The following XRCC1 variants were observed in gnomAD, a reference collection of about 807,000 sequenced individuals.
The protein encoded by XRCC1 is DNA repair protein XRCC1.
XRCC1 carries 52 observed loss-of-function variants against 83.3 expected under a neutral mutation model. That is an observed-to-expected ratio of 0.62 (90% CI 0.50 to 0.79). The LOEUF is 0.79. Among genes scored for constraint, XRCC1 ranks in the 30% least tolerant of loss-of-function variants. The pLI is 0.00. For missense variants in XRCC1, 793 were observed against 823.5 expected, an observed-to-expected ratio of 0.96 and a Z score of 0.45; for synonymous variants, 281 against 312.6, an observed-to-expected ratio of 0.90 and a Z score of 1.07.
At chr19:43,558,714 T>A in intron 3 of XRCC1, among the ~76,000 whole-genome samples, 1 of 151,648 alleles carries the variant, frequency 6.6e-6, no homozygotes, top group South Asian at 2.1e-4. Flanking sequence ...GGTATTGGCA[T>A]AAAGAAAACT....
chr19:43,545,755 A>T lies in XRCC1; in HGVS notation c.1621+63T>A, dbSNP rs1972501594. The T allele has an allele frequency of 4.4e-6, 7 of 1,590,588 alleles. No individual in the cohort carries two copies. The South Asian group carries it at 8.1e-5, about 18-fold the overall frequency. On this transcript the variant is annotated intron_variant, in intron 14 of 16. Transcript: ENST00000262887. Reference sequence around the variant, plus strand: ...CAGTGACCCCAGGGCTGGCCAGGGCAAGTCCCAGCTGAGAACTGAGAAGAG... The same window carrying T: ...CAGTGACCCCAGGGCTGGCCAGGGCTAGTCCCAGCTGAGAACTGAGAAGAG...
At chr19:43,554,625 C>A in intron 4 of XRCC1, 21 bp downstream of exon 4, 1 of 1,599,548 alleles carries the variant, frequency 6.3e-7, no homozygotes, top group South Asian at 1.1e-5. Context: ...GACTCTGCAC[C>A]CTGGCTCCCA....
At chr19:43,544,367 T>C (rs1290872880) in intron 14 of XRCC1, 133 bp from the exon 15 acceptor site, 1 of 753,816 alleles carries the variant, frequency 1.3e-6, no homozygotes, top group African/African-American at 1.8e-5. Context: ...TGGCAGGCAG[T>C]GGACCCTGCC....
chr19:43,548,853 G>A (rs1286315954), intron 10 of XRCC1, among the ~76,000 whole-genome samples: 1 of 150,506 alleles, frequency 6.6e-6, no homozygotes, highest in African/African-American at 2.4e-5. Context: ...GACAAATACT[G>A]AGTCACTGAA....
At chr19:43,560,096 A>G (rs1007337542) in intron 3 of XRCC1, among the ~76,000 whole-genome samples, 2 of 151,024 alleles carry the variant, frequency 1.3e-5, no homozygotes, top group African/African-American at 4.9e-5. Context: ...AAAAATGAAC[A>G]AAAGAAAAAG....
chr19:43,569,374 G>C (rs1972785169), intron 2 of XRCC1, among the ~76,000 whole-genome samples: 1 of 151,856 alleles, frequency 6.6e-6, no homozygotes, highest in African/African-American at 2.4e-5. Flanking sequence ...TACTGAGGAG[G>C]CTGAGGTGGG....
intron 2 of XRCC1, among the ~76,000 whole-genome samples, chr19:43,562,444 T>C (rs966056292): frequency 8.0e-5 from 8 of 100,070 alleles, no homozygotes; most frequent in Non-Finnish European, 1.4e-4. Flanking sequence ...AGATGGTCAT[T>C]AACAACCCTC....
At chr19:43,553,864 T>G (rs527604970) in intron 4 of XRCC1, 181 bp from the exon 5 acceptor site, 6 of 529,972 alleles carry the variant, frequency 1.1e-5, no homozygotes, top group Non-Finnish European at 1.7e-5. Flanking sequence ...GACTGAGCCC[T>G]AACTCTGAGT....
chr19:43,552,247 T>G lies in XRCC1; in HGVS notation c.852A>C (p.Thr284=), dbSNP rs769180331. Residue 284 remains threonine (T), a synonymous_variant, in exon 9 of 17, where the codon ACA becomes ACC. Transcript: ENST00000262887. The stretch of plus-strand genomic sequence containing the variant: ...CCTGTGCTCGGGCAGGGACTGGGGC[T>G]GTGGCTGGGGTACGAGTTGGAGCTG... ...KLPAPTRTPA[T]APVPARAQGA... The G allele has an allele frequency of 6.2e-7, 1 of 1,611,192 alleles. No homozygotes were observed. The highest frequency in any genetic ancestry group is 1.7e-5 in the Admixed American group (1 of 59,704).
At chr19:43,565,511 C>T (rs941749040) in intron 2 of XRCC1, among the ~76,000 whole-genome samples, 6 of 152,252 alleles carry the variant, frequency 3.9e-5, no homozygotes, top group African/African-American at 1.2e-4. Flanking sequence ...CTTTACCTCT[C>T]CCACAATATT....
At chr19:43,556,875 G>A (rs1470992799) in intron 3 of XRCC1, among the ~76,000 whole-genome samples, 2 of 152,096 alleles carry the variant, frequency 1.3e-5, no homozygotes, top group East Asian at 1.9e-4. Context: ...CATGGTGGTA[G>A]GCACCTATAA....
chr19:43,545,466 G>A (rs1401317308), intron 14 of XRCC1, among the ~76,000 whole-genome samples: 2 of 152,184 alleles, frequency 1.3e-5, no homozygotes, highest in Non-Finnish European at 2.9e-5. Context: ...GGTGTGCCCG[G>A]CTTCACCCCA....
chr19:43,548,102 G>A (rs1228103718), intron 10 of XRCC1, among the ~76,000 whole-genome samples: 3 of 141,756 alleles, frequency 2.1e-5, no homozygotes, highest in Non-Finnish European at 4.6e-5. Flanking sequence ...CCATCCGGGA[G>A]GGAGGTGGGG....
At chr19:43,573,422 C>A (rs1972823715) in intron 2 of XRCC1, among the ~76,000 whole-genome samples, 1 of 152,174 alleles carries the variant, frequency 6.6e-6, no homozygotes. Context: ...TTAAGTAAAT[C>A]ATATGGTCAA....
intron 2 of XRCC1, among the ~76,000 whole-genome samples, chr19:43,571,293 T>A (rs1277333692): frequency 6.6e-6 from 1 of 152,184 alleles, no homozygotes; most frequent in Non-Finnish European, 1.5e-5. Context: ...CCTAGATACA[T>A]ACATAGCTCA....
At chr19:43,561,314 C>T (rs1972697060) in intron 2 of XRCC1, among the ~76,000 whole-genome samples, 1 of 152,222 alleles carries the variant, frequency 6.6e-6, no homozygotes, top group African/African-American at 2.4e-5. Flanking sequence ...TGCCATAGAG[C>T]TCTCCTTGAT....
Position 43,552,787 on chromosome 19 carries a change from G to A in XRCC1, c.823+10C>T. The A allele has an allele frequency of 1.0e-5, 16 of 1,595,036 alleles. No individual in the cohort carries two copies. The highest frequency in any genetic ancestry group is 1.4e-5 in the Non-Finnish European group (16 of 1,171,952). ...GGCCCCTGTGGAAACAAGGGATCTA[G>A]TTAGCTCACATTTAGGTCTCTTGGG... On this transcript the variant is annotated intron_variant, in intron 8 of 16. Transcript: ENST00000262887.
intron 8 of XRCC1, 41 bp downstream of exon 8, chr19:43,552,756 A>C: frequency 6.6e-7 from 1 of 1,517,718 alleles, no homozygotes; most frequent in Non-Finnish European, 8.9e-7. Context: ...AGGACACAGG[A>C]GCACAGGCCC....
At chr19:43,567,456 C>T (rs1972764975) in intron 2 of XRCC1, among the ~76,000 whole-genome samples, 2 of 151,950 alleles carry the variant, frequency 1.3e-5, no homozygotes, top group Admixed American at 6.6e-5. Context: ...GGACTACAGG[C>T]ACGCACCACC....
Sources: allele counts gnomAD v4.1 joint callset (sites outside exome capture counted in the v4.1 genomes callset), GRCh38; gene constraint gnomAD v4.1.1; transcripts MANE v1.5; gene names NCBI Gene and HGNC (gene_info 2026-07-23, HGNC 2026-07-21).